Variants in HMCN1 observed in about 807,000 individuals in gnomAD.
HMCN1 encodes hemicentin-1.
HMCN1 carries 321 observed loss-of-function variants against 625.9 expected under a neutral mutation model. That is an observed-to-expected ratio of 0.51 (90% confidence interval 0.47 to 0.56). The LOEUF (loss-of-function observed/expected upper bound fraction) is 0.56, where lower values mean the gene tolerates loss of function less well. Among genes scored for constraint, HMCN1 ranks in the 20% least tolerant of loss-of-function variants. HMCN1 has a pLI of 0.00. For synonymous variants in HMCN1, 2,425 were observed against 2,417.6 expected, an observed-to-expected ratio of 1.00 and a Z score of -0.09; for missense variants, 6,588 against 6,887.3, an observed-to-expected ratio of 0.96 and a Z score of 1.54.
At chr1:186,080,738 AT>A (rs1659119428) in intron 55 of HMCN1, among the ~76,000 whole-genome samples, 1 of 152,178 alleles carries the variant, frequency 6.6e-6, no homozygotes, top group African/African-American at 2.4e-5. Context: ...CACACTTTGA[AT>A]CACCCAGGCA....
chr1:185,874,138 A>C (rs1296438866), intron 4 of HMCN1, among the ~76,000 whole-genome samples: 1 of 152,018 alleles, frequency 6.6e-6, no homozygotes, highest in Non-Finnish European at 1.5e-5. Flanking sequence ...AGAAAATTGA[A>C]GGTCTTATTT....
At chr1:185,748,768 T>C (rs76684673) in intron 1 of HMCN1, among the ~76,000 whole-genome samples, 5,851 of 152,234 alleles carry the variant, frequency 0.038, 331 homozygotes, top group African/African-American at 0.13. Context: ...TCATACTTCC[T>C]TTGCAGAATT....
At chr1:186,162,411 C>G (rs959371110) in intron 97 of HMCN1, among the ~76,000 whole-genome samples, 8 of 152,214 alleles carry the variant, frequency 5.3e-5, no homozygotes, top group Non-Finnish European at 1.2e-4. Flanking sequence ...CTTCTTCTCT[C>G]AACTCGTCAA....
At chr1:185,959,305 G>C (rs1301564130) in intron 11 of HMCN1, among the ~76,000 whole-genome samples, 1 of 152,120 alleles carries the variant, frequency 6.6e-6, no homozygotes, top group African/African-American at 2.4e-5. Flanking sequence ...GATAGTGTTG[G>C]CAGTTTCCAA....
rs1355097203 is a variant in HMCN1 at position 186,165,910 on chromosome 1, A to G, written c.15320-274A>G. On this transcript the variant is annotated intron_variant, in intron 98 of 106. Transcript: ENST00000271588. Reference sequence around the variant, plus strand: ...GTGATGAAAGAGTTAAAGCAGGTAAAAGGCATTTAGAGCACAGTAGATGAT... The same window carrying G: ...GTGATGAAAGAGTTAAAGCAGGTAAGAGGCATTTAGAGCACAGTAGATGAT... Among the ~76,000 whole-genome samples the G allele has an allele frequency of 5.3e-5, 8 of 152,230 alleles. 1 individual carries two copies. The highest frequency in any genetic ancestry group is 3.9e-4 in the Admixed American group (6 of 15,278).
intron 13 of HMCN1, among the ~76,000 whole-genome samples, chr1:185,965,172 A>G (rs1010546752): frequency 2.6e-5 from 4 of 152,138 alleles, no homozygotes; most frequent in Admixed American, 2.0e-4. Flanking sequence ...AAGTGAAGCA[A>G]ACGGAGTGAA....
At position 185,734,681 on chromosome 1, in the gene HMCN1, G is replaced by C. The variant is rs1653426193; in HGVS notation, c.-99G>C. 3 of 1,198,718 alleles carry C rather than the reference G, an allele frequency of 2.5e-6. No homozygotes were observed. Among genetic ancestry groups the C allele is most frequent in the Non-Finnish European group, 1.2e-6 (1 of 812,202 alleles). 74.3% of individuals were successfully genotyped at this position (1,198,718 alleles called of 1,614,324 possible). On this transcript the variant is annotated 5_prime_UTR_variant, in exon 1 of 107. Transcript: ENST00000271588. ...GCTAGTTCAGAGATTCCAAGAGTCT[G>C]ATGAGTTACTCTGAGAGGAAACCCT...
At chr1:185,892,919 G>A (rs985089675) in intron 4 of HMCN1, among the ~76,000 whole-genome samples, 46 of 152,234 alleles carry the variant, frequency 3.0e-4, no homozygotes, top group Non-Finnish European at 4.6e-4. Flanking sequence ...CCTCGCTGCC[G>A]CCTTGCAGTT....
At chr1:186,158,051 C>A (rs1463966564) in intron 97 of HMCN1, among the ~76,000 whole-genome samples, 1 of 148,598 alleles carries the variant, frequency 6.7e-6, no homozygotes, top group South Asian at 2.2e-4. Flanking sequence ...GTTTACAGTC[C>A]CACCAACAGT....
chr1:186,187,900 G>A lies in HMCN1; in HGVS notation c.16432G>A (p.Glu5478Lys). 1.2e-6 allele frequency: 2 copies of A among 1,613,744 alleles called. No homozygotes were observed. Among genetic ancestry groups the A allele is most frequent in the Non-Finnish European group, 1.7e-6 (2 of 1,179,762 alleles). Residue 5478 changes from glutamate to lysine, a missense_variant, in exon 106 of 107, where the codon GAG (glutamate) becomes AAG (lysine). Glu to Lys is a moderately conservative substitution (Grantham distance 56). Around this residue, in one of 3 missense-constraint regions of HMCN1, gnomAD observed 1,954 missense variants for 2,013.1 expected, o/e 0.97. Coordinates refer to ENST00000271588, the MANE Select transcript of HMCN1 (RefSeq NM_031935.3). ...KTCQDIDECL[E>K]QNVHCGPNRM... ...GTCCCTAGATATCGATGAATGTCTGGAGCAGAATGTGCACTGTGGACCCAA... is the reference window on the plus strand; with the variant it reads ...GTCCCTAGATATCGATGAATGTCTGAAGCAGAATGTGCACTGTGGACCCAA...
At chr1:185,996,015 T>G (rs571006616) in intron 24 of HMCN1, among the ~76,000 whole-genome samples, 2 of 152,144 alleles carry the variant, frequency 1.3e-5, no homozygotes, top group Non-Finnish European at 2.9e-5. Context: ...TGTTGGATGG[T>G]TGGCTAGGAC....
chr1:185,890,345 T>C (rs1183278154), intron 4 of HMCN1, among the ~76,000 whole-genome samples: 3 of 148,224 alleles, frequency 2.0e-5, no homozygotes, highest in African/African-American at 8.0e-5. Flanking sequence ...TTTCTTGCCT[T>C]CTGCTAGCTT....
intron 86 of HMCN1, among the ~76,000 whole-genome samples, chr1:186,133,446 C>T (rs188557724): frequency 1.9e-4 from 29 of 152,226 alleles, no homozygotes; most frequent in East Asian, 5.8e-4. Flanking sequence ...TAAGAGTCAT[C>T]GGAAAACAGA....
At chr1:186,164,080 C>T (rs764394852) in intron 97 of HMCN1, among the ~76,000 whole-genome samples, 12 of 152,228 alleles carry the variant, frequency 7.9e-5, no homozygotes, top group Middle Eastern at 3.4e-3. Flanking sequence ...ACACAGCAAC[C>T]GTGCAATGAT....
At chr1:186,116,883 A>G in intron 75 of HMCN1, 111 bp from the exon 76 acceptor site, 2 of 1,224,868 alleles carry the variant, frequency 1.6e-6, no homozygotes, top group African/African-American at 1.5e-5. Flanking sequence ...TTTTAACATG[A>G]GGGAAGAGTA....
rs1210247010 is a variant in HMCN1, at chr1:185,989,479, G to A, written c.3049-9G>A. 1.9e-6 allele frequency: 3 copies of A among 1,613,612 alleles called. No homozygotes were observed. Among genetic ancestry groups the A allele is most frequent in the Non-Finnish European group, 2.5e-6 (3 of 1,179,942 alleles). On this transcript the variant is annotated splice_polypyrimidine_tract_variant and intron_variant, in intron 20 of 106. Transcript: ENST00000271588. ...CAAAAAACCCTTTGCTTTTCGCCGT[G>A]TTTTGCAGAAAGGAGAGCTGATTTC...
chr1:186,108,715 A>G lies in HMCN1; in HGVS notation c.10989+118A>G, dbSNP rs1417873253. On this transcript the variant is annotated intron_variant, in intron 71 of 106. Coordinates refer to ENST00000271588, the MANE Select transcript of HMCN1 (RefSeq NM_031935.3). ...CTAACATCAGGCTACTAATTATTCA[A>G]CATTGCAGCAGTAAGCACAGGGTTT... The G allele has an allele frequency of 4.3e-6, 5 of 1,166,984 alleles. No individual in the cohort carries two copies. The Admixed American group carries it at 9.9e-5, about 23-fold the overall frequency. 72.3% of individuals were successfully genotyped at this position (1,166,984 alleles called of 1,614,324 possible).
chr1:186,030,851 C>T (rs1336453963), intron 36 of HMCN1, among the ~76,000 whole-genome samples: 3 of 151,174 alleles, frequency 2.0e-5, no homozygotes, highest in African/African-American at 7.3e-5. Flanking sequence ...AGTAGTTTTC[C>T]TCAGTATTAT....
rs746532626 is a variant in HMCN1 at position 186,130,603 on chromosome 1, C to T, written c.13136C>T (p.Pro4379Leu). ...LNCEVKGDPT[P>L]TIQWNRKGVD... ...TGTGAGGTGAAAGGAGACCCCACCC[C>T]AACCATCCAGTGGAACAGAAAGGGA... is the stretch of plus-strand genomic sequence containing the variant. The change falls in exon 85 of 107, where the codon CCA (proline) becomes CTA (leucine). Residue 4379 changes from proline (P) to leucine (L), a missense_variant. Pro to Leu is a moderately conservative substitution (Grantham distance 98, BLOSUM62 -3). Transcript: ENST00000271588. The T allele has an allele frequency of 1.9e-6, 3 of 1,613,570 alleles. No individual in the cohort carries two copies. The highest frequency in any genetic ancestry group is 2.5e-6 in the Non-Finnish European group (3 of 1,179,646).
Sources: allele counts gnomAD v4.1 joint callset (sites outside exome capture counted in the v4.1 genomes callset), GRCh38; gene constraint gnomAD v4.1.1; regional missense constraint gnomAD v4.1.1; transcripts MANE v1.5; gene names NCBI Gene and HGNC (gene_info 2026-07-23, HGNC 2026-07-21).